The following TMEM178A variants were observed in gnomAD, a reference collection of about 807,000 sequenced individuals.
TMEM178A encodes transmembrane protein 178.
Under a neutral mutation model 29.1 loss-of-function variants are expected in TMEM178A, and 12 were observed. The observed-to-expected ratio is 0.41, with a 90% CI of 0.26 to 0.67. TMEM178A has a LOEUF of 0.67. Ranked by LOEUF, TMEM178A falls within the 30% of genes least tolerant of loss-of-function variation. The pLI, the probability that TMEM178A is intolerant of heterozygous loss-of-function variation, is 0.29. For synonymous variants in TMEM178A, 210 were observed against 187.2 expected, an observed-to-expected ratio of 1.12 and a Z score of -0.99; for missense variants, 366 against 419.1, an observed-to-expected ratio of 0.87 and a Z score of 1.11.
chr2:39,696,728 T>A (rs980129210), intron 1 of TMEM178A, among the ~76,000 whole-genome samples: 2 of 152,224 alleles, frequency 1.3e-5, no homozygotes, highest in Non-Finnish European at 2.9e-5. Flanking sequence ...AGTAGGGGTT[T>A]CTATGACTTA....
the TMEM178A span, among the ~76,000 whole-genome samples, chr2:39,724,378 G>T: frequency 6.6e-6 from 1 of 152,058 alleles, no homozygotes; most frequent in Non-Finnish European, 1.5e-5. Flanking sequence ...CTGTCTTGAT[G>T]TGTGGCCCTG....
In TMEM178A at chr2:39,686,178, C is replaced by T. The variant is rs150806903; in HGVS notation, c.401-17903C>T. On this transcript the variant is annotated intron_variant, in intron 1 of 3. Coordinates refer to ENST00000281961, the MANE Select transcript of TMEM178A (RefSeq NM_152390.3). ...AGGTGCTCAGACTTTGGAAAATTCA[C>T]GTACTTCTGAGCCCTGCAGGGAAAC... Among the ~76,000 whole-genome samples the T allele has an allele frequency of 2.5e-3, 386 of 152,294 alleles. 1 individual carries two copies. The highest frequency in any genetic ancestry group is 8.6e-3 in the African/African-American group (359 of 41,550).
At chr2:39,675,177 T>G (rs894033650) in intron 1 of TMEM178A, among the ~76,000 whole-genome samples, 18 of 152,158 alleles carry the variant, frequency 1.2e-4, no homozygotes, top group South Asian at 4.1e-4. Flanking sequence ...CCTTTGATTT[T>G]TGTATAGAAG....
At chr2:39,699,026 A>ATTTT (rs112782718) in intron 1 of TMEM178A, among the ~76,000 whole-genome samples, 1 of 135,340 alleles carries the variant, frequency 7.4e-6, no homozygotes, top group East Asian at 2.1e-4. Flanking sequence ...TTCATTCCTG[A>ATTTT]TTTTTTTTTT....
intron 1 of TMEM178A, among the ~76,000 whole-genome samples, chr2:39,703,443 A>G (rs1671883321): frequency 6.6e-6 from 1 of 152,154 alleles, no homozygotes; most frequent in East Asian, 1.9e-4. Flanking sequence ...TATTGTGCCT[A>G]GGGCTGGCCA....
chr2:39,669,081 G>T (rs571097125), intron 1 of TMEM178A, among the ~76,000 whole-genome samples: 47 of 152,286 alleles, frequency 3.1e-4, no homozygotes, highest in African/African-American at 1.1e-3. Context: ...CCTTGTTTAT[G>T]AGTCTTAGCA....
intron 1 of TMEM178A, among the ~76,000 whole-genome samples, chr2:39,694,067 A>G (rs1011456885): frequency 2.0e-5 from 3 of 150,482 alleles, no homozygotes; most frequent in African/African-American, 7.3e-5. Flanking sequence ...GCCCCTAGAG[A>G]TAATGTGTTT....
the TMEM178A span, among the ~76,000 whole-genome samples, chr2:39,725,773 T>G: frequency 1.3e-5 from 2 of 152,342 alleles, no homozygotes; most frequent in African/African-American, 4.8e-5. Flanking sequence ...TTTATTGTTC[T>G]CAGGCCTAAC....
intron 1 of TMEM178A, among the ~76,000 whole-genome samples, chr2:39,677,399 A>G (rs1445228410): frequency 2.0e-5 from 3 of 152,216 alleles, no homozygotes; most frequent in Non-Finnish European, 4.4e-5. Flanking sequence ...GTGCATCTAT[A>G]AATATAATAA....
chr2:39,725,158 G>A, the TMEM178A span, among the ~76,000 whole-genome samples: 1 of 152,184 alleles, frequency 6.6e-6, no homozygotes, highest in Non-Finnish European at 1.5e-5. Flanking sequence ...CCGAGGGTGA[G>A]CTAGAGGGAC....
At chr2:39,672,481 A>G (rs1331916643) in intron 1 of TMEM178A, among the ~76,000 whole-genome samples, 1 of 152,124 alleles carries the variant, frequency 6.6e-6, no homozygotes, top group African/African-American at 2.4e-5. Context: ...GAGCCCTCGA[A>G]CCCCATCAGG....
chr2:39,707,272 C>T (rs1429046992), intron 3 of TMEM178A, 86 bp downstream of exon 3: 8 of 1,444,900 alleles, frequency 5.5e-6, no homozygotes, highest in South Asian at 4.5e-5. Flanking sequence ...TGTTATCTCC[C>T]TGTTAATTTT....
At chr2:39,685,761 C>G (rs1183926966) in intron 1 of TMEM178A, among the ~76,000 whole-genome samples, 2 of 152,202 alleles carry the variant, frequency 1.3e-5, no homozygotes, top group Admixed American at 1.3e-4. Context: ...CAGAGACTTT[C>G]TCTGCTGCAG....
intron 3 of TMEM178A, 42 bp downstream of exon 3, chr2:39,707,228 A>G: frequency 3.2e-6 from 5 of 1,563,052 alleles, no homozygotes; most frequent in Non-Finnish European, 4.3e-6. Context: ...GCCAAGGTGA[A>G]GGCTGCTCTG....
At chr2:39,718,684 A>C (rs1424931118), downstream of TMEM178A, among the ~76,000 whole-genome samples, 1 of 150,520 alleles carries the variant, frequency 6.6e-6, no homozygotes, top group South Asian at 2.1e-4. Flanking sequence ...CATTTGCTTC[A>C]TTTTTTTTTC....
chr2:39,678,015 C>A (rs891958001), intron 1 of TMEM178A, among the ~76,000 whole-genome samples: 6 of 151,528 alleles, frequency 4.0e-5, no homozygotes, highest in African/African-American at 1.2e-4. Context: ...AGATAGGAAG[C>A]CCAAGAAGGA....
At position 39,666,291 on chromosome 2, in the gene TMEM178A, C is replaced by T. The variant is rs768483450; in HGVS notation, c.317C>T (p.Pro106Leu). Residue 106 changes from proline (P) to leucine (L), a missense_variant, in exon 1 of 4, where the codon CCC (proline) becomes CTC (leucine). Around this residue, in one of 2 missense-constraint regions of TMEM178A, gnomAD observed 247 missense variants for 246.8 expected, o/e 1.00. Transcript: ENST00000281961. ...LGGLDAECGR[P>L]LFATYSGLWR... ...GGGCTGGACGCCGAGTGCGGCCGGC[C>T]CCTCTTCGCCACCTACTCGGGCCTC... The T allele has an allele frequency of 7.0e-7, 1 of 1,419,762 alleles. No individual in the cohort carries two copies. Among genetic ancestry groups the T allele is most frequent in the Non-Finnish European group, 9.2e-7 (1 of 1,085,878 alleles). The allele number at this position is 1,419,762 out of a possible 1,614,324, so 87.9% of individuals were successfully genotyped here.
chr2:39,706,974 A>G, intron 2 of TMEM178A, 75 bp from the exon 3 acceptor site: 2 of 1,522,850 alleles, frequency 1.3e-6, no homozygotes, highest in East Asian at 2.3e-5. Flanking sequence ...CAATGTATAC[A>G]AAGCCCTAAT....
chr2:39,715,055 A>C (rs1672479637), intron 3 of TMEM178A, among the ~76,000 whole-genome samples: 1 of 152,216 alleles, frequency 6.6e-6, no homozygotes, highest in African/African-American at 2.4e-5. Context: ...GGTAATTTCA[A>C]GTTTGCACAG....
Sources: allele counts gnomAD v4.1 joint callset (sites outside exome capture counted in the v4.1 genomes callset), GRCh38; gene constraint gnomAD v4.1.1; regional missense constraint gnomAD v4.1.1; transcripts MANE v1.5; gene names NCBI Gene and HGNC (gene_info 2026-07-23, HGNC 2026-07-21).